Variants in ZNF292 observed in about 807,000 individuals in gnomAD.
ZNF292 encodes 16 zinc-finger domain protein.
ZNF292 carries 26 observed loss-of-function variants against 217.9 expected under a neutral mutation model. The ratio of observed to expected loss-of-function variants is 0.12; its 90% confidence interval spans 0.09 to 0.17. ZNF292 has a LOEUF of 0.17. ZNF292 is among the 10% of genes least tolerant of loss of function. The pLI is 1.00. For missense variants in ZNF292, 2,904 were observed against 3,175.2 expected, an observed-to-expected ratio of 0.91 and a Z score of 2.05; for synonymous variants, 1,257 against 1,124.1, an observed-to-expected ratio of 1.12 and a Z score of -2.37.
chr6:87,211,402 T>A (rs935851240), intron 1 of ZNF292, among the ~76,000 whole-genome samples: 3 of 151,832 alleles, frequency 2.0e-5, no homozygotes, highest in African/African-American at 7.3e-5. Flanking sequence ...ATCCAAATTT[T>A]AAAAATTGGA....
intron 1 of ZNF292, 102 bp downstream of exon 1, chr6:87,155,861 C>T (rs1455024482): frequency 1.5e-5 from 20 of 1,376,620 alleles, no homozygotes; most frequent in Non-Finnish European, 1.8e-5. Flanking sequence ...TCCTTGGCAT[C>T]ATCGGCGCCT....
chr6:87,258,771 A>G lies in ZNF292; in HGVS notation c.5142A>G (p.Thr1714=), dbSNP rs1775387382. 9 of 1,613,578 alleles carry G rather than the reference A, an allele frequency of 5.6e-6. No homozygotes were observed. Among genetic ancestry groups the G allele is most frequent in the East Asian group, 2.2e-5 (1 of 44,848 alleles). Residue 1714 remains threonine, a synonymous_variant, in exon 8 of 8, where the codon ACA becomes ACG. Transcript: ENST00000369577. ...ENFKTSLESH[T]VLAPLTLKTE... The stretch of plus-strand genomic sequence containing the variant: ...TCAAAACCAGTCTTGAGTCCCATAC[A>G]GTGTTAGCCCCTTTAACATTAAAAA...
chr6:87,258,102 A>G lies in ZNF292; in HGVS notation c.4473A>G (p.Lys1491=). The part of the protein sequence containing the change: ...SVSQEGSEII[K]QALETAGIPS... The stretch of plus-strand genomic sequence containing the variant: ...GTCAAGAAGGTAGTGAAATTATTAA[A>G]CAGGCTTTGGAAACTGCTGGCATTC... The change falls in exon 8 of 8, where the codon AAA becomes AAG. Residue 1491 remains lysine, a synonymous_variant. Transcript: ENST00000369577. 6.2e-7 allele frequency: 1 copy of G among 1,613,154 alleles called. No individual in the cohort carries two copies. Among genetic ancestry groups the G allele is most frequent in the South Asian group, 1.1e-5 (1 of 91,002 alleles).
chr6:87,243,366 AT>A, intron 5 of ZNF292, 108 bp from the exon 6 acceptor site: 1 of 936,326 alleles, frequency 1.1e-6, no homozygotes. Flanking sequence ...AATTAATGGC[AT>A]TTTATTCATA....
At chr6:87,234,813 T>A (rs868421946) in intron 5 of ZNF292, among the ~76,000 whole-genome samples, 21 of 152,208 alleles carry the variant, frequency 1.4e-4, no homozygotes, top group Non-Finnish European at 2.5e-4. Flanking sequence ...CAAAGCAGAA[T>A]AGCCTCATAC....
At chr6:87,223,394 C>T (rs1360789073) in intron 4 of ZNF292, 1 of 152,344 alleles carries the variant, frequency 6.6e-6, no homozygotes, top group African/African-American at 2.4e-5. Context: ...CGACTTATCA[C>T]TGTTGATGTG....
chr6:87,162,775 A>T (rs946740258), intron 1 of ZNF292, among the ~76,000 whole-genome samples: 6 of 152,210 alleles, frequency 3.9e-5, no homozygotes, highest in Non-Finnish European at 8.8e-5. Flanking sequence ...CAGGATTTTC[A>T]TAGGTTTTTA....
At chr6:87,156,126 G>C (rs1442654683) in intron 1 of ZNF292, among the ~76,000 whole-genome samples, 3 of 152,210 alleles carry the variant, frequency 2.0e-5, no homozygotes, top group African/African-American at 4.8e-5. Context: ...GTGCACTGGG[G>C]ATTACCGCGC....
At chr6:87,163,957 G>A (rs934593544) in intron 1 of ZNF292, among the ~76,000 whole-genome samples, 11 of 152,082 alleles carry the variant, frequency 7.2e-5, no homozygotes, top group African/African-American at 2.7e-4. Flanking sequence ...TGGTTACATG[G>A]CCTAAAGACT....
chr6:87,211,987 G>A lies in ZNF292; in HGVS notation c.169-3916G>A, dbSNP rs74978109. ...AACCATTGGTTTAATGGGGAAAAAA[G>A]TGTAGGACTTTGGTCAGATGCCAGT... On this transcript the variant is annotated intron_variant, in intron 1 of 7. Coordinates refer to ENST00000369577, the MANE Select transcript of ZNF292 (RefSeq NM_015021.3). Among the ~76,000 whole-genome samples, 974 of 152,292 alleles carry A rather than the reference G, an allele frequency of 6.4e-3. 16 individuals are homozygous for A. Among genetic ancestry groups the A allele is most frequent in the African/African-American group, 0.023 (937 of 41,560 alleles).
At chr6:87,248,738 G>A (rs939125099) in intron 7 of ZNF292, among the ~76,000 whole-genome samples, 1 of 152,206 alleles carries the variant, frequency 6.6e-6, no homozygotes, top group African/African-American at 2.4e-5. Flanking sequence ...TATAAATCTT[G>A]ACTTGCAATT....
intron 1 of ZNF292, among the ~76,000 whole-genome samples, chr6:87,196,143 T>C (rs1204272531): frequency 6.6e-6 from 1 of 152,218 alleles, no homozygotes; most frequent in East Asian, 1.9e-4. Flanking sequence ...ACTTAAGATA[T>C]GGAACAAGCA....
intron 1 of ZNF292, among the ~76,000 whole-genome samples, chr6:87,209,187 T>A (rs552317810): frequency 1.3e-5 from 2 of 151,314 alleles, no homozygotes; most frequent in East Asian, 3.9e-4. Flanking sequence ...GTGGGTTTTG[T>A]TTGTTTGTTT....
intron 1 of ZNF292, among the ~76,000 whole-genome samples, chr6:87,197,988 T>G (rs1239001509): frequency 6.6e-6 from 1 of 152,056 alleles, no homozygotes. Flanking sequence ...GTAATATGAT[T>G]TGAATCATTG....
At chr6:87,222,097 A>G (rs1773112464) in intron 4 of ZNF292, among the ~76,000 whole-genome samples, 1 of 152,098 alleles carries the variant, frequency 6.6e-6, no homozygotes, top group African/African-American at 2.4e-5. Context: ...TTACCATATT[A>G]GATCCCTTCT....
At chr6:87,232,104 G>A (rs1157589240) in intron 4 of ZNF292, among the ~76,000 whole-genome samples, 1 of 152,094 alleles carries the variant, frequency 6.6e-6, no homozygotes, top group Non-Finnish European at 1.5e-5. Context: ...GCCTTTTAGT[G>A]TAATGTAAAG....
chr6:87,250,083 TA>T (rs1246559314), intron 7 of ZNF292, among the ~76,000 whole-genome samples: 1 of 144,656 alleles, frequency 6.9e-6, no homozygotes, highest in African/African-American at 2.6e-5. Context: ...CAGCTACTCA[TA>T]TGTTAATTTA....
chr6:87,202,012 A>G (rs1330965091), intron 1 of ZNF292, among the ~76,000 whole-genome samples: 1 of 152,208 alleles, frequency 6.6e-6, no homozygotes, highest in Non-Finnish European at 1.5e-5. Context: ...TAGGGCAGAT[A>G]ATCTTCCAAA....
At position 87,197,722 on chromosome 6, in the gene ZNF292, CAAAAAAAAAAAA is replaced by C. The variant is rs11312557; in HGVS notation, c.169-18169_169-18158del. Among the ~76,000 whole-genome samples, 714 of 77,382 alleles carry C rather than the reference CAAAAAAAAAAAA, an allele frequency of 9.2e-3. 29 individuals carry two copies. The Admixed American group carries it at 0.1, about 11-fold the overall frequency. 50.8% of individuals were successfully genotyped at this position (77,382 alleles called of 152,430 possible). A position where few individuals can be genotyped will look rare whatever the true frequency, so the allele number is the denominator to read the frequency against. On this transcript the variant is annotated intron_variant, in intron 1 of 7. Transcript: ENST00000369577. Reference sequence around the variant, plus strand: ...AGCAACAGAGTGAGACTCGCTGTTTCAAAAAAAAAAAAAAAAAAAAAAAGCATTCATTAGAGC... The same window carrying C: ...AGCAACAGAGTGAGACTCGCTGTTTCAAAAAAAAAAAGCATTCATTAGAGC...
Sources: allele counts gnomAD v4.1 joint callset (sites outside exome capture counted in the v4.1 genomes callset), GRCh38; gene constraint gnomAD v4.1.1; transcripts MANE v1.5; gene names NCBI Gene and HGNC (gene_info 2026-07-23, HGNC 2026-07-21).